The following AHI1 variants were observed in gnomAD, a reference collection of about 807,000 sequenced individuals.
AHI1 encodes jouberin.
In AHI1, 123 loss-of-function variants were observed where a neutral mutation model predicts 149.3. The observed-to-expected ratio is 0.82, with a 90% confidence interval of 0.71 to 0.96. The LOEUF (loss-of-function observed/expected upper bound fraction) is 0.96, where lower values mean the gene tolerates loss of function less well. Ranked by LOEUF, AHI1 falls within the 40% of genes least tolerant of loss-of-function variation. AHI1 has a pLI of 0.00. For synonymous variants in AHI1, 475 were observed against 459.8 expected, an observed-to-expected ratio of 1.03 and a Z score of -0.42; for missense variants, 1,439 against 1,422.7, an observed-to-expected ratio of 1.01 and a Z score of -0.18.
At chr6:135,290,000 C>T (rs1189116449) in intron 28 of AHI1, among the ~76,000 whole-genome samples, 1 of 151,942 alleles carries the variant, frequency 6.6e-6, no homozygotes, top group African/African-American at 2.4e-5. Flanking sequence ...TCCTTAGGCC[C>T]CCAGGGACTA....
At chr6:135,394,585 T>A in intron 23 of AHI1, 191 bp downstream of exon 23, 3 of 700,726 alleles carry the variant, frequency 4.3e-6, no homozygotes, top group Non-Finnish European at 7.0e-6. Context: ...GTGTATCTAC[T>A]GTTACCAATT....
At position 135,432,926 on chromosome 6, in the gene AHI1, C is replaced by A. The variant is rs1218969404; in HGVS notation, c.2266+101G>T. ...CAAAATAAGCATAAACCTAAATATG[C>A]GCAATCATCAGTACATAACCCTCTC... On this transcript the variant is annotated intron_variant, in intron 16 of 28. Transcript: ENST00000265602. The A allele has an allele frequency of 5.0e-6, 4 of 802,020 alleles. No individual in the cohort carries two copies. In the East Asian group the frequency reaches 1.0e-4, roughly 20 times the overall value. The allele number at this position is 802,020 out of a possible 1,614,324, so 49.7% of individuals were successfully genotyped here.
chr6:135,375,414 T>TG (rs1382708013), intron 23 of AHI1, among the ~76,000 whole-genome samples: 3 of 152,208 alleles, frequency 2.0e-5, no homozygotes, highest in Non-Finnish European at 2.9e-5. Flanking sequence ...GCCATGTAGA[T>TG]GAACAGAATA....
intron 23 of AHI1, among the ~76,000 whole-genome samples, chr6:135,386,876 C>T (rs1042391228): frequency 1.3e-5 from 2 of 152,048 alleles, no homozygotes; most frequent in South Asian, 2.1e-4. Context: ...GCTGATTGGC[C>T]CACCTCGGCC....
chr6:135,405,570 T>C (rs1780642207), intron 21 of AHI1, among the ~76,000 whole-genome samples: 1 of 152,046 alleles, frequency 6.6e-6, no homozygotes, highest in Non-Finnish European at 1.5e-5. Flanking sequence ...GTAAAAATAC[T>C]CAAGTCTGGC....
chr6:135,408,250 T>C (rs1174122048), intron 21 of AHI1, among the ~76,000 whole-genome samples: 1 of 152,168 alleles, frequency 6.6e-6, no homozygotes, highest in Non-Finnish European at 1.5e-5. Context: ...GTTGTTTTTA[T>C]GCCTGTAGAT....
At chr6:135,407,990 G>C (rs1046165972) in intron 21 of AHI1, among the ~76,000 whole-genome samples, 2 of 151,636 alleles carry the variant, frequency 1.3e-5, no homozygotes, top group African/African-American at 4.8e-5. Flanking sequence ...AGCTGAGATC[G>C]TGCCACTGTA....
intron 23 of AHI1, among the ~76,000 whole-genome samples, chr6:135,381,236 T>G (rs1776725220): frequency 6.6e-6 from 1 of 152,088 alleles, no homozygotes. Context: ...CTTCACTGAT[T>G]CTAAGTTGGC....
rs566327411 is a variant in AHI1 at position 135,409,827 on chromosome 6, T to C, written c.2961+1521A>G. Among the ~76,000 whole-genome samples the C allele has an allele frequency of 2.6e-4, 39 of 152,334 alleles. No homozygotes were observed. The Middle Eastern group carries it at 0.014, about 53-fold the overall frequency. ...TCTGGTAATAGATACTTTCATTTTATAGATTTTGGGACTTTAGCACAGGAA... is the reference window on the plus strand; with the variant it reads ...TCTGGTAATAGATACTTTCATTTTACAGATTTTGGGACTTTAGCACAGGAA... On this transcript the variant is annotated intron_variant, in intron 21 of 28. Coordinates refer to ENST00000265602, the MANE Select transcript of AHI1 (RefSeq NM_001134831.2).
rs549421652 is a variant in AHI1 at position 135,340,920 on chromosome 6, G to A, written c.3165+17212C>T. On this transcript the variant is annotated intron_variant, in intron 24 of 28. Coordinates refer to ENST00000265602, the MANE Select transcript of AHI1 (RefSeq NM_001134831.2). ...ACTAGATTGTTTTGAGATGTTAATT[G>A]TAATTCTAAGGGCAAACACTGAAAA... 1.9e-3 allele frequency among the ~76,000 whole-genome samples: 282 copies of A among 151,108 alleles called. 1 individual carries two copies. Among genetic ancestry groups the A allele is most frequent in the African/African-American group, 6.5e-3 (269 of 41,376 alleles).
intron 21 of AHI1, among the ~76,000 whole-genome samples, chr6:135,410,756 T>C (rs540380894): frequency 6.6e-5 from 10 of 152,346 alleles, no homozygotes; most frequent in Admixed American, 5.9e-4. Context: ...AGAAATTCTG[T>C]TTTCTTCTAT....
chr6:135,345,849 C>T (rs1791111605), intron 24 of AHI1, among the ~76,000 whole-genome samples: 1 of 151,986 alleles, frequency 6.6e-6, no homozygotes, highest in African/African-American at 2.4e-5. Flanking sequence ...AAAAGAACAT[C>T]ATGGAAATGA....
At position 135,315,127 on chromosome 6, in the gene AHI1, A is replaced by C. The variant is rs573697783; in HGVS notation, c.3426+3392T>G. Among the ~76,000 whole-genome samples the C allele has an allele frequency of 5.3e-5, 8 of 151,976 alleles. No homozygotes were observed. In the South Asian group the frequency reaches 1.7e-3, roughly 32 times the overall value. ...GTTCATCAGTTTCCTCTTCATCCTA[A>C]CTCTTGCTATCATCCTGGAATCTTA... On this transcript the variant is annotated intron_variant, in intron 26 of 28. Coordinates refer to ENST00000265602, the MANE Select transcript of AHI1 (RefSeq NM_001134831.2).
chr6:135,318,425 G>A, intron 26 of AHI1, 94 bp downstream of exon 26: 1 of 829,632 alleles, frequency 1.2e-6, no homozygotes, highest in South Asian at 1.6e-5. Context: ...TGTGAACAAT[G>A]AAGGATAATA....
At chr6:135,330,742 C>G (rs1402894136) in intron 24 of AHI1, among the ~76,000 whole-genome samples, 1 of 152,198 alleles carries the variant, frequency 6.6e-6, no homozygotes, top group Non-Finnish European at 1.5e-5. Context: ...CCTTAACACA[C>G]TGAAGGACAA....
At chr6:135,479,467 T>G (rs1197702937) in intron 5 of AHI1, among the ~76,000 whole-genome samples, 1 of 152,252 alleles carries the variant, frequency 6.6e-6, no homozygotes, top group Non-Finnish European at 1.5e-5. Flanking sequence ...ACTGCCCTGC[T>G]GGGTTCTGGA....
intron 23 of AHI1, among the ~76,000 whole-genome samples, chr6:135,366,015 A>G (rs1774115581): frequency 6.6e-6 from 1 of 152,184 alleles, no homozygotes. Context: ...GGTTTTAATC[A>G]TAAAGGACGC....
chr6:135,416,844 G>A (rs556800217), intron 20 of AHI1, among the ~76,000 whole-genome samples: 3 of 152,142 alleles, frequency 2.0e-5, no homozygotes, highest in African/African-American at 7.2e-5. Context: ...TATCAAGGGA[G>A]AGGACCTGCT....
chr6:135,417,597 T>C (rs553250597), intron 20 of AHI1, among the ~76,000 whole-genome samples: 1 of 152,006 alleles, frequency 6.6e-6, no homozygotes, highest in Non-Finnish European at 1.5e-5. Flanking sequence ...ATGGCCCAAA[T>C]GGAAGCGGAT....
Sources: gnomAD v4.1 joint callset for allele counts (sites outside exome capture counted in the v4.1 genomes callset) on GRCh38, gnomAD v4.1.1 for gene constraint, MANE v1.5 for transcripts, NCBI Gene and HGNC (gene_info 2026-07-23, HGNC 2026-07-21) for gene names.